POU2F1: variants seen among roughly 807,000 people sequenced by gnomAD.
The protein encoded by POU2F1 is POU domain, class 2, transcription factor 1.
A neutral mutation model predicts 84.9 loss-of-function variants in POU2F1; 16 were observed. The observed-to-expected ratio is 0.19, with a 90% CI of 0.13 to 0.29. The LOEUF is 0.29. Among genes scored for constraint, POU2F1 ranks in the 10% least tolerant of loss-of-function variants. POU2F1 has a pLI of 1.00. For missense variants in POU2F1, 738 were observed against 942.6 expected (o/e 0.78, Z 2.84); for synonymous variants, 368 against 368.3 (o/e 1.00, Z 0.01).
At chr1:167,320,245 C>T (rs1656216220) in intron 1 of POU2F1, among the ~76,000 whole-genome samples, 1 of 152,164 alleles carries the variant, frequency 6.6e-6, no homozygotes, top group Non-Finnish European at 1.5e-5. Context: ...GCAGTCAATA[C>T]CTCAATTACA....
intron 1 of POU2F1, among the ~76,000 whole-genome samples, chr1:167,322,624 C>T (rs1056389233): frequency 5.9e-5 from 9 of 152,198 alleles, no homozygotes; most frequent in African/African-American, 1.7e-4. Context: ...GAGACCAGGT[C>T]GGTCATGGAG....
intron 1 of POU2F1, among the ~76,000 whole-genome samples, chr1:167,316,252 T>C (rs960740246): frequency 6.6e-6 from 1 of 152,234 alleles, no homozygotes; most frequent in Admixed American, 6.5e-5. Context: ...ATGGTGTAGT[T>C]ACATAAGACG....
At chr1:167,306,038 T>C (rs1410497144) in intron 1 of POU2F1, among the ~76,000 whole-genome samples, 1 of 152,220 alleles carries the variant, frequency 6.6e-6, no homozygotes, top group Non-Finnish European at 1.5e-5. Context: ...TTCCTTCCTT[T>C]TTGTTTGTTT....
rs1266404525 is a variant in POU2F1, at chr1:167,421,417, T to C, written c.*5607T>C. ...AGTAAGGTATTTGAAAGGATTCCAC[T>C]GGGAGGGCAGGGAATATATTTTTTC... On this transcript the variant is annotated 3_prime_UTR_variant, in exon 16 of 16. Transcript: ENST00000367866. 2.0e-5 allele frequency: 3 copies of C among 152,224 alleles called. No homozygotes were observed. The highest frequency in any genetic ancestry group is 1.9e-4 in the East Asian group (1 of 5,202). 9.4% of individuals were successfully genotyped at this position (152,224 alleles called of 1,614,324 possible).
At chr1:167,256,154 A>G (rs1651118808) in intron 1 of POU2F1, among the ~76,000 whole-genome samples, 1 of 152,172 alleles carries the variant, frequency 6.6e-6, no homozygotes, top group Non-Finnish European at 1.5e-5. Flanking sequence ...CTAGGGGCTG[A>G]TGAAGGATGA....
At chr1:167,411,920 T>G (rs747340726) in intron 13 of POU2F1, 39 bp from the exon 14 acceptor site, 1 of 1,557,036 alleles carries the variant, frequency 6.4e-7, no homozygotes, top group Non-Finnish European at 8.7e-7. Context: ...TCCAAAACCA[T>G]TTACAAAAGG....
At chr1:167,389,449 T>G in intron 8 of POU2F1, 139 bp from the exon 9 acceptor site, 1 of 807,558 alleles carries the variant, frequency 1.2e-6, no homozygotes, top group East Asian at 2.7e-5. Flanking sequence ...TCACTGAACA[T>G]TATGTTGTAC....
At chr1:167,319,301 G>T (rs750676701) in intron 1 of POU2F1, among the ~76,000 whole-genome samples, 1 of 152,118 alleles carries the variant, frequency 6.6e-6, no homozygotes, top group African/African-American at 2.4e-5. Flanking sequence ...ACTTTTTGTT[G>T]TCGGATCTCT....
chr1:167,359,608 T>C (rs985991329), intron 2 of POU2F1, among the ~76,000 whole-genome samples: 1 of 152,244 alleles, frequency 6.6e-6, no homozygotes, highest in African/African-American at 2.4e-5. Flanking sequence ...TGATTCCATG[T>C]CTCTGCTGTT....
In POU2F1 at chr1:167,257,345, CAAGG is replaced by C. The variant is rs1019022545; in HGVS notation, c.61+36391_61+36394del. ...TTATTTGCTCTATGAAAAGTAAAAA[CAAGG>C]AAGAGCACTACAGTAACACATACAC... On this transcript the variant is annotated intron_variant, in intron 1 of 15. Transcript: ENST00000367866. 1.1e-4 allele frequency among the ~76,000 whole-genome samples: 17 copies of C among 152,160 alleles called. 1 individual carries two copies. The highest frequency in any genetic ancestry group is 3.4e-4 in the African/African-American group (14 of 41,512).
At chr1:167,271,666 G>A (rs368154715) in intron 1 of POU2F1, among the ~76,000 whole-genome samples, 165 of 152,244 alleles carry the variant, frequency 1.1e-3, no homozygotes, top group African/African-American at 3.5e-3. Flanking sequence ...GATGAAATGA[G>A]GACCTCAGAG....
rs1336471688 is a variant in POU2F1 at position 167,421,922 on chromosome 1, G to A, written c.*6112G>A. The A allele has an allele frequency of 6.6e-6, 1 of 152,070 alleles. No individual in the cohort carries two copies. The highest frequency in any genetic ancestry group is 1.9e-4 in the East Asian group (1 of 5,186). The allele number at this position is 152,070 out of a possible 1,614,324, so 9.4% of individuals were successfully genotyped here. On this transcript the variant is annotated 3_prime_UTR_variant, in exon 16 of 16. Coordinates refer to ENST00000367866, the MANE Select transcript of POU2F1 (RefSeq NM_002697.4). ...TAGGGTTAGGGAGGGTTGGGTGGGGGAAGAGGAGATGTTGATTATGTTAGA... is the reference window on the plus strand; with the variant it reads ...TAGGGTTAGGGAGGGTTGGGTGGGGAAAGAGGAGATGTTGATTATGTTAGA...
At chr1:167,367,714 T>G (rs990538829) in intron 3 of POU2F1, among the ~76,000 whole-genome samples, 1 of 152,202 alleles carries the variant, frequency 6.6e-6, no homozygotes, top group African/African-American at 2.4e-5. Flanking sequence ...TTATACCATA[T>G]GTGTATATGT....
rs922951731 is a variant in POU2F1, at chr1:167,423,423, T to G, written c.*7613T>G. ...CATTATGTAAAGGTGGTATTAATAT[T>G]GTATGACTTGTCAAAGTGCTAGATA... On this transcript the variant is annotated 3_prime_UTR_variant, in exon 16 of 16. Coordinates refer to ENST00000367866, the MANE Select transcript of POU2F1 (RefSeq NM_002697.4). 2.0e-5 allele frequency: 3 copies of G among 152,244 alleles called. No homozygotes were observed. The highest frequency in any genetic ancestry group is 4.4e-5 in the Non-Finnish European group (3 of 68,048). The allele number at this position is 152,244 out of a possible 1,614,324, so 9.4% of individuals were successfully genotyped here.
intron 1 of POU2F1, among the ~76,000 whole-genome samples, chr1:167,237,369 G>A (rs1401072358): frequency 6.6e-6 from 1 of 152,178 alleles, no homozygotes; most frequent in African/African-American, 2.4e-5. Flanking sequence ...TGGGATGGAT[G>A]AGGAAAGAGC....
intron 2 of POU2F1, among the ~76,000 whole-genome samples, chr1:167,350,749 A>G (rs1341027917): frequency 6.6e-6 from 1 of 152,014 alleles, no homozygotes; most frequent in Non-Finnish European, 1.5e-5. Context: ...CTATAATCCC[A>G]GCACTTCAGG....
chr1:167,391,559 C>CTTTTT (rs1175783404), intron 9 of POU2F1, among the ~76,000 whole-genome samples: 7 of 57,892 alleles, frequency 1.2e-4, no homozygotes, highest in Non-Finnish European at 1.8e-4. Context: ...TTATATATAT[C>CTTTTT]TTTTTTTTTT....
At chr1:167,227,146 A>G (rs954064638) in intron 1 of POU2F1, among the ~76,000 whole-genome samples, 1 of 152,132 alleles carries the variant, frequency 6.6e-6, no homozygotes, top group African/African-American at 2.4e-5. Flanking sequence ...ACATTATACT[A>G]ACTTTTTTTT....
intron 3 of POU2F1, among the ~76,000 whole-genome samples, chr1:167,367,552 G>A (rs1659760641): frequency 6.6e-6 from 1 of 152,062 alleles, no homozygotes; most frequent in Admixed American, 6.6e-5. Context: ...CTAGCTAAAT[G>A]GAGTTGGTAA....
Sources: gnomAD v4.1 joint callset for allele counts (sites outside exome capture counted in the v4.1 genomes callset) on GRCh38, gnomAD v4.1.1 for gene constraint, MANE v1.5 for transcripts, NCBI Gene and HGNC (gene_info 2026-07-23, HGNC 2026-07-21) for gene names.